USP34: variants seen among roughly 807,000 people sequenced by gnomAD.
USP34 encodes ubiquitin specific peptidase 34, also known as ubiquitin carboxyl-terminal hydrolase 34.
Under a neutral mutation model 460.3 loss-of-function variants are expected in USP34, and 70 were observed. The observed-to-expected ratio is 0.15, with a 90% confidence interval of 0.13 to 0.19. The LOEUF is 0.19. USP34 is among the 10% of genes least tolerant of loss of function. The pLI is 1.00. For synonymous variants in USP34, 1,647 were observed against 1,405.3 expected, an observed-to-expected ratio of 1.17 and a Z score of -3.85; for missense variants, 3,985 against 4,236.2, an observed-to-expected ratio of 0.94 and a Z score of 1.65.
rs1187956700 is a variant in USP34, at chr2:61,256,854, T to C, written c.6126+19A>G. ...AGGTAAAAGCATAAAGTAAAAAAAT[T>C]ATGTGCATTATTACTCACATAAATG... is the stretch of plus-strand genomic sequence containing the variant. On this transcript the variant is annotated intron_variant, in intron 47 of 79. Transcript: ENST00000398571. 2 of 1,540,312 alleles carry C rather than the reference T, an allele frequency of 1.3e-6. No homozygotes were observed. Among genetic ancestry groups the C allele is most frequent in the Admixed American group, 4.3e-5 (2 of 46,156 alleles).
At chr2:61,466,696 G>A (rs1300230692) in intron 1 of USP34, among the ~76,000 whole-genome samples, 1 of 152,108 alleles carries the variant, frequency 6.6e-6, no homozygotes, top group African/African-American at 2.4e-5. Flanking sequence ...CAGATCCCCT[G>A]AGGTCAGGAG....
Position 61,347,887 on chromosome 2 carries a change from ATGGTGGTGGTGGTGG to A in USP34, c.2253_2267del (p.His756_His760del). Reference sequence around the variant, plus strand: ...AGGCTTACCCATCGTGGTGGTGGTGATGGTGGTGGTGGTGGTGGTGATGCTGTGGACCAATAAATT... The same window carrying A: ...AGGCTTACCCATCGTGGTGGTGGTGATGGTGATGCTGTGGACCAATAAATT... On this transcript the variant is annotated inframe_deletion, in exon 15 of 80. Transcript: ENST00000398571. The A allele has an allele frequency of 1.9e-6, 3 of 1,612,138 alleles. No homozygotes were observed. Among genetic ancestry groups the A allele is most frequent in the Non-Finnish European group, 2.5e-6 (3 of 1,178,804 alleles).
chr2:61,469,492 G>C (rs559824463), intron 1 of USP34, among the ~76,000 whole-genome samples: 3 of 152,298 alleles, frequency 2.0e-5, no homozygotes, highest in African/African-American at 4.8e-5. Flanking sequence ...ATGTGCAAAA[G>C]CCTATTCCAC....
chr2:61,271,659 G>A, intron 41 of USP34, among the ~76,000 whole-genome samples: 1 of 152,028 alleles, frequency 6.6e-6, no homozygotes. Context: ...TAGCACTACT[G>A]GAAAGGTAAA....
At chr2:61,370,646 G>A in intron 8 of USP34, 67 bp from the exon 9 acceptor site, 2 of 1,454,700 alleles carry the variant, frequency 1.4e-6, no homozygotes, top group Non-Finnish European at 1.9e-6. Flanking sequence ...CTAAAAGGTA[G>A]AGTCAATTGA....
chr2:61,292,915 G>GA (rs138725036), intron 33 of USP34, among the ~76,000 whole-genome samples: 59 of 150,410 alleles, frequency 3.9e-4, no homozygotes, highest in Admixed American at 2.6e-3. Context: ...CAAGTTCACA[G>GA]AAAAAAAAAT....
intron 18 of USP34, among the ~76,000 whole-genome samples, 178 bp downstream of exon 18, chr2:61,339,173 A>G (rs1013731874): frequency 3.9e-5 from 6 of 152,200 alleles, no homozygotes; most frequent in Non-Finnish European, 8.8e-5. Context: ...TGAGTGCTAA[A>G]ATATGAACCA....
chr2:61,455,779 T>C (rs1010395016), intron 1 of USP34, among the ~76,000 whole-genome samples: 2 of 152,248 alleles, frequency 1.3e-5, no homozygotes, highest in Admixed American at 6.5e-5. Context: ...TTTCTTATGC[T>C]AGCACTGCGT....
At chr2:61,422,458 C>T (rs1694391070) in intron 1 of USP34, among the ~76,000 whole-genome samples, 1 of 152,164 alleles carries the variant, frequency 6.6e-6, no homozygotes, top group African/African-American at 2.4e-5. Flanking sequence ...AACCCAGAAC[C>T]AGAAAGGCAA....
chr2:61,428,578 C>G (rs573477759), intron 1 of USP34, among the ~76,000 whole-genome samples: 103 of 152,270 alleles, frequency 6.8e-4, no homozygotes, highest in Non-Finnish European at 1.2e-3. Context: ...TAACCTGAAT[C>G]TGATCAAGCC....
Position 61,235,830 on chromosome 2 carries a change from G to C in USP34, c.7032+15C>G. ...AATCTTAAACTATGCATTAGTTGTT[G>C]AATTATCACCTTACCTCACAAGCTG... On this transcript the variant is annotated intron_variant, in intron 57 of 79. Transcript: ENST00000398571. 6.2e-7 allele frequency: 1 copy of C among 1,606,434 alleles called. No homozygotes were observed. The highest frequency in any genetic ancestry group is 1.3e-5 in the African/African-American group (1 of 74,476).
chr2:61,342,272 G>C (rs1302865716), intron 16 of USP34, among the ~76,000 whole-genome samples: 8 of 149,346 alleles, frequency 5.4e-5, no homozygotes, highest in East Asian at 2.0e-4. Context: ...AAGAGACACT[G>C]AGAGTGTACT....
rs150235478 is a variant in USP34 at position 61,230,251 on chromosome 2, T to A, written c.7114-618A>T. 3.4e-3 allele frequency among the ~76,000 whole-genome samples: 513 copies of A among 152,276 alleles called. 2 individuals are homozygous for A. The highest frequency in any genetic ancestry group is 0.011 in the African/African-American group (441 of 41,546). ...CACTATAAAAAAACAGTTTACCAGC[T>A]GGGTGCAGTGGCTCAAGCCTATAAT... On this transcript the variant is annotated intron_variant, in intron 58 of 79. Transcript: ENST00000398571.
chr2:61,327,969 G>C (rs1377127501), intron 20 of USP34, among the ~76,000 whole-genome samples: 2 of 152,152 alleles, frequency 1.3e-5, no homozygotes, highest in Non-Finnish European at 2.9e-5. Flanking sequence ...ATTCTCTAGA[G>C]GGCACTGGAT....
chr2:61,412,941 A>AAT lies in USP34; in HGVS notation c.132-6815_132-6814dup, dbSNP rs1031603960. On this transcript the variant is annotated intron_variant, in intron 2 of 79. Coordinates refer to ENST00000398571, the MANE Select transcript of USP34 (RefSeq NM_014709.4). ...AAAAGGAAGTAATCAAGAAGGGTAC[A>AAT]ATATCTGACTAACATAGTTCCAAGA... 5.5e-4 allele frequency among the ~76,000 whole-genome samples: 84 copies of AAT among 152,048 alleles called. 1 individual carries two copies. The highest frequency in any genetic ancestry group is 1.0e-4 in the Non-Finnish European group (7 of 68,000).
At chr2:61,273,458 C>T (rs559846073) in intron 41 of USP34, among the ~76,000 whole-genome samples, 1 of 152,280 alleles carries the variant, frequency 6.6e-6, no homozygotes, top group African/African-American at 2.4e-5. Flanking sequence ...GTGGCTCATG[C>T]TTGTAATCCC....
Position 61,214,458 on chromosome 2 carries a change from A to C in USP34, c.8284T>G (p.Cys2762Gly). ...LVPYFSFMTY[C>G]LISKTEKLMF... ...AGCTTCTCAGTTTTGGAAATTAAAC[A>C]GTAAGTCATAAAGCTAAAATAGGGC... is the stretch of plus-strand genomic sequence containing the variant. Residue 2762 changes from cysteine to glycine, a missense_variant, in exon 68 of 80, where the codon TGT becomes GGT. Cys to Gly is a radical substitution (Grantham distance 159). Transcript: ENST00000398571. The C allele has an allele frequency of 6.2e-7, 1 of 1,614,222 alleles. No homozygotes were observed. The highest frequency in any genetic ancestry group is 1.1e-5 in the South Asian group (1 of 91,080).
At chr2:61,416,033 G>A (rs540087166) in intron 2 of USP34, among the ~76,000 whole-genome samples, 26 of 152,156 alleles carry the variant, frequency 1.7e-4, no homozygotes, top group African/African-American at 5.1e-4. Context: ...TATTCCAGTG[G>A]GTCCAATATC....
chr2:61,447,822 T>TCTC (rs1695162991), intron 1 of USP34, among the ~76,000 whole-genome samples: 1 of 152,144 alleles, frequency 6.6e-6, no homozygotes, highest in South Asian at 2.1e-4. Context: ...ATCAAGCCAT[T>TCTC]CTCCTGCCTC....
Sources: gnomAD v4.1 joint callset for allele counts (sites outside exome capture counted in the v4.1 genomes callset) on GRCh38, gnomAD v4.1.1 for gene constraint, MANE v1.5 for transcripts, NCBI Gene and HGNC (gene_info 2026-07-23, HGNC 2026-07-21) for gene names.